PCCA: variants seen among roughly 807,000 people sequenced by gnomAD.
The protein encoded by PCCA is propionyl-CoA carboxylase alpha chain, mitochondrial.
PCCA carries 74 observed loss-of-function variants against 101.3 expected under a neutral mutation model. The ratio of observed to expected loss-of-function variants is 0.73; its 90% CI spans 0.61 to 0.89. The LOEUF (loss-of-function observed/expected upper bound fraction) is 0.89. Ranked by LOEUF, PCCA falls within the 40% of genes least tolerant of loss-of-function variation. The probability of loss-of-function intolerance (pLI) is 0.00; values close to 1 mark genes in which losing one functional copy is unlikely to be tolerated. For missense variants in PCCA, 891 were observed against 907.0 expected (o/e 0.98, Z 0.23); for synonymous variants, 294 against 313.6 (o/e 0.94, Z 0.66).
At chr13:100,172,520 C>T (rs547669543) in intron 6 of PCCA, among the ~76,000 whole-genome samples, 8 of 152,068 alleles carry the variant, frequency 5.3e-5, no homozygotes, top group Middle Eastern at 3.4e-3. Context: ...TGGGCCCATA[C>T]GTAAAGACTA....
Position 100,283,427 on chromosome 13 carries a change from A to G in PCCA, c.1065+10081A>G, listed in dbSNP as rs551199039. Reference sequence around the variant, plus strand: ...TAGAAAAAAACCCATGAATTATTCAATGATGTCCGCCATAACTCAGGGAAA... The same window carrying G: ...TAGAAAAAAACCCATGAATTATTCAGTGATGTCCGCCATAACTCAGGGAAA... On this transcript the variant is annotated intron_variant, in intron 12 of 23. Transcript: ENST00000376285. Among the ~76,000 whole-genome samples the G allele has an allele frequency of 6.4e-4, 98 of 152,312 alleles. 1 individual carries two copies. Among genetic ancestry groups the G allele is most frequent in the African/African-American group, 2.1e-3 (89 of 41,558 alleles).
intron 4 of PCCA, 86 bp from the exon 5 acceptor site, chr13:100,154,893 C>T (rs901097063): frequency 1.1e-6 from 1 of 883,210 alleles, no homozygotes; most frequent in Admixed American, 1.7e-5. Flanking sequence ...GCAGAACAAT[C>T]AGATTTGCAA....
chr13:100,462,980 GA>G (rs1185396898), intron 21 of PCCA, among the ~76,000 whole-genome samples: 1 of 152,350 alleles, frequency 6.6e-6, no homozygotes, highest in Non-Finnish European at 1.5e-5. Context: ...TGACTTTAAG[GA>G]TGAATTGAGT....
At chr13:100,314,473 G>A (rs959340691) in intron 16 of PCCA, among the ~76,000 whole-genome samples, 2 of 152,118 alleles carry the variant, frequency 1.3e-5, no homozygotes, top group Admixed American at 1.3e-4. Flanking sequence ...TGGAGGGTGG[G>A]GGTGGGGCTG....
intron 19 of PCCA, among the ~76,000 whole-genome samples, chr13:100,391,580 C>G (rs1474787635): frequency 6.6e-6 from 1 of 152,076 alleles, no homozygotes; most frequent in Non-Finnish European, 1.5e-5. Context: ...GGCCAGGACA[C>G]AGGGAGGCTA....
At chr13:100,298,347 C>T (rs970810420) in intron 12 of PCCA, among the ~76,000 whole-genome samples, 5 of 152,142 alleles carry the variant, frequency 3.3e-5, no homozygotes, top group African/African-American at 1.2e-4. Flanking sequence ...ATCCTAATGA[C>T]AAGAGTCTTT....
chr13:100,094,664 G>A (rs763211617), intron 1 of PCCA, among the ~76,000 whole-genome samples: 15 of 152,056 alleles, frequency 9.9e-5, no homozygotes, highest in Non-Finnish European at 2.1e-4. Context: ...CTCCGCTCAC[G>A]GCAACCTCCG....
At chr13:100,469,381 C>T (rs768041263) in intron 21 of PCCA, among the ~76,000 whole-genome samples, 2 of 151,994 alleles carry the variant, frequency 1.3e-5, no homozygotes, top group African/African-American at 2.4e-5. Context: ...TGATTCCTGG[C>T]GGCAGAAACA....
chr13:100,266,388 A>G (rs1008564603), intron 10 of PCCA, among the ~76,000 whole-genome samples: 3 of 152,246 alleles, frequency 2.0e-5, no homozygotes, highest in South Asian at 2.1e-4. Flanking sequence ...ATTTTTAAAC[A>G]TAAGTGAAAA....
intron 19 of PCCA, among the ~76,000 whole-genome samples, chr13:100,383,648 C>G (rs1361248970): frequency 6.6e-6 from 1 of 151,848 alleles, no homozygotes; most frequent in Non-Finnish European, 1.5e-5. Flanking sequence ...GATAGGTAAG[C>G]TTTTGTGTAC....
intron 7 of PCCA, among the ~76,000 whole-genome samples, chr13:100,217,200 A>C (rs2059569330): frequency 6.6e-6 from 1 of 152,102 alleles, no homozygotes; most frequent in South Asian, 2.1e-4. Flanking sequence ...TAATCCCAGC[A>C]CTTTGGGAGG....
chr13:100,414,447 A>G (rs1424493843), intron 19 of PCCA, among the ~76,000 whole-genome samples: 1 of 152,218 alleles, frequency 6.6e-6, no homozygotes, highest in African/African-American at 2.4e-5. Context: ...TAAGGTTTAA[A>G]ACTGTGTTAC....
intron 8 of PCCA, among the ~76,000 whole-genome samples, chr13:100,238,248 C>CT (rs1464356661): frequency 6.6e-6 from 1 of 152,042 alleles, no homozygotes; most frequent in Non-Finnish European, 1.5e-5. Flanking sequence ...CCATTTTCCA[C>CT]TTTCGTTATA....
intron 4 of PCCA, among the ~76,000 whole-genome samples, chr13:100,152,510 A>G (rs1048227825): frequency 8.6e-5 from 13 of 152,004 alleles, no homozygotes; most frequent in African/African-American, 2.9e-4. Flanking sequence ...GCAGTGGCGC[A>G]ATCTCGGCTC....
chr13:100,400,627 G>T (rs75142007), intron 19 of PCCA, among the ~76,000 whole-genome samples: 1,334 of 79,688 alleles, frequency 0.017, 71 homozygotes, highest in East Asian at 0.035. Flanking sequence ...GTTCTTTTTA[G>T]TTCTTTTTTT....
intron 4 of PCCA, among the ~76,000 whole-genome samples, chr13:100,134,043 C>G (rs1020832180): frequency 3.3e-5 from 5 of 151,780 alleles, no homozygotes; most frequent in African/African-American, 1.2e-4. Context: ...GGGACTCAGA[C>G]TGGCTTCCCT....
intron 4 of PCCA, among the ~76,000 whole-genome samples, chr13:100,114,921 T>C (rs752695717): frequency 1.9e-4 from 29 of 152,168 alleles, no homozygotes; most frequent in Admixed American, 7.9e-4. Flanking sequence ...GTACATCTGC[T>C]TCTAGGTGTA....
At chr13:100,218,462 G>A (rs992571677) in intron 7 of PCCA, among the ~76,000 whole-genome samples, 5 of 151,924 alleles carry the variant, frequency 3.3e-5, no homozygotes, top group Non-Finnish European at 5.9e-5. Flanking sequence ...GATTACAGGC[G>A]CGTGCCACTG....
At chr13:100,197,014 A>G (rs2058147249) in intron 6 of PCCA, among the ~76,000 whole-genome samples, 2 of 152,070 alleles carry the variant, frequency 1.3e-5, no homozygotes, top group South Asian at 4.1e-4. Context: ...TGTTGGGGAA[A>G]ATTAATTAGG....
Sources: allele counts gnomAD v4.1 joint callset (sites outside exome capture counted in the v4.1 genomes callset), GRCh38; gene constraint gnomAD v4.1.1; transcripts MANE v1.5; gene names NCBI Gene and HGNC (gene_info 2026-07-23, HGNC 2026-07-21).